The following BABAM2 variants were observed in gnomAD, a reference collection of about 807,000 sequenced individuals.
BABAM2 encodes the protein BRISC and BRCA1-A complex member 2.
In BABAM2, 31 loss-of-function variants were observed where a neutral mutation model predicts 54.7. That is an observed-to-expected ratio of 0.57 (90% CI 0.43 to 0.77). The LOEUF is 0.77. Ranked by LOEUF, BABAM2 falls within the 30% of genes least tolerant of loss-of-function variation. The pLI is 0.00. For synonymous variants in BABAM2, 167 were observed against 162.9 expected, an observed-to-expected ratio of 1.03 and a Z score of -0.19; for missense variants, 364 against 455.8, an observed-to-expected ratio of 0.80 and a Z score of 1.83.
chr2:28,093,252 GT>G (rs1472460426), intron 6 of BABAM2, among the ~76,000 whole-genome samples: 2 of 152,058 alleles, frequency 1.3e-5, no homozygotes, highest in African/African-American at 4.8e-5. Flanking sequence ...GTTTTAGGTT[GT>G]TTTGTTTTCT....
intron 3 of BABAM2, among the ~76,000 whole-genome samples, chr2:27,941,017 G>C (rs1668837285): frequency 6.6e-6 from 1 of 152,174 alleles, no homozygotes; most frequent in Admixed American, 6.5e-5. Context: ...AAGGCCACCA[G>C]AGAGGTTGTC....
At position 28,195,102 on chromosome 2, in the gene BABAM2, A is replaced by G. The variant is rs143359311; in HGVS notation, c.681-42100A>G. 5.4e-3 allele frequency among the ~76,000 whole-genome samples: 826 copies of G among 152,308 alleles called. 8 individuals are homozygous for G. The highest frequency in any genetic ancestry group is 0.019 in the African/African-American group (784 of 41,550). On this transcript the variant is annotated intron_variant, in intron 7 of 11. Coordinates refer to ENST00000379624, the MANE Select transcript of BABAM2 (RefSeq NM_199191.3). The stretch of plus-strand genomic sequence containing the variant: ...AGGAACCTCTCTGAGCTTAAATGCA[A>G]TGGGATTTTTTTTTCACAGTAAGAT...
chr2:28,066,290 TGTG>T (rs1233540124), intron 6 of BABAM2, among the ~76,000 whole-genome samples: 1 of 152,126 alleles, frequency 6.6e-6, no homozygotes, highest in Non-Finnish European at 1.5e-5. Flanking sequence ...ATATGATAAA[TGTG>T]GTCAGTGTTC....
intron 7 of BABAM2, among the ~76,000 whole-genome samples, chr2:28,167,953 CA>C (rs1274371899): frequency 2.0e-5 from 3 of 152,138 alleles, no homozygotes; most frequent in Non-Finnish European, 4.4e-5. Flanking sequence ...GATGAAGAAA[CA>C]GGCTTAGAGA....
chr2:27,934,684 G>A (rs1451656284), intron 3 of BABAM2, among the ~76,000 whole-genome samples: 1 of 152,216 alleles, frequency 6.6e-6, no homozygotes, highest in East Asian at 1.9e-4. Context: ...GAAATTAGAA[G>A]TGCTACTCTA....
At chr2:28,039,937 G>A (rs1676939647) in intron 5 of BABAM2, among the ~76,000 whole-genome samples, 1 of 144,336 alleles carries the variant, frequency 6.9e-6, no homozygotes, top group Admixed American at 7.1e-5. Context: ...CTATCCAAGA[G>A]AAGATTTTGA....
intron 11 of BABAM2, among the ~76,000 whole-genome samples, chr2:28,332,031 A>G (rs114309552): frequency 0.015 from 2,238 of 152,338 alleles, 61 homozygotes; most frequent in African/African-American, 0.051. Flanking sequence ...GGATGGAGCT[A>G]TAAGCCATTA....
chr2:28,143,526 A>G (rs1187372853), intron 7 of BABAM2, among the ~76,000 whole-genome samples: 6 of 152,218 alleles, frequency 3.9e-5, no homozygotes, highest in Admixed American at 3.3e-4. Context: ...ACAAGTAACT[A>G]TGGAAAGTGA....
intron 6 of BABAM2, among the ~76,000 whole-genome samples, chr2:28,076,178 G>A (rs1015208422): frequency 6.6e-6 from 1 of 152,064 alleles, no homozygotes; most frequent in Non-Finnish European, 1.5e-5. Flanking sequence ...GGGGGCTAAG[G>A]TGGGAGGATC....
rs774892908 is a variant in BABAM2, at chr2:28,025,438, T to C, written c.495+18T>C. On this transcript the variant is annotated intron_variant, in intron 5 of 11. Coordinates refer to ENST00000379624, the MANE Select transcript of BABAM2 (RefSeq NM_199191.3). ...ACAACTGGGTAAGGATTTTTGAGAA[T>C]GGAAAAAAAGATGACTTCATCCATA... The C allele has an allele frequency of 6.5e-7, 1 of 1,547,022 alleles. No homozygotes were observed. The highest frequency in any genetic ancestry group is 8.7e-7 in the Non-Finnish European group (1 of 1,153,100).
intron 6 of BABAM2, among the ~76,000 whole-genome samples, chr2:28,119,469 G>A (rs1020152682): frequency 1.4e-4 from 21 of 152,114 alleles, no homozygotes; most frequent in African/African-American, 5.1e-4. Flanking sequence ...TCAAAAGCTG[G>A]TGATTCTCAA....
chr2:27,943,982 A>C (rs1488623037), intron 3 of BABAM2, among the ~76,000 whole-genome samples: 1 of 152,170 alleles, frequency 6.6e-6, no homozygotes, highest in South Asian at 2.1e-4. Context: ...GTTAGAAGAA[A>C]TATATTAGGA....
chr2:28,065,442 T>C (rs1025380353), intron 6 of BABAM2, among the ~76,000 whole-genome samples: 1 of 152,154 alleles, frequency 6.6e-6, no homozygotes, highest in African/African-American at 2.4e-5. Flanking sequence ...CTCCTTGGGT[T>C]GTGGTTCTCC....
intron 9 of BABAM2, among the ~76,000 whole-genome samples, chr2:28,242,360 C>G (rs1343341782): frequency 1.3e-5 from 2 of 152,208 alleles, no homozygotes; most frequent in Non-Finnish European, 2.9e-5. Flanking sequence ...TGCCTTTGCC[C>G]TTTCCTTCTG....
intron 6 of BABAM2, among the ~76,000 whole-genome samples, chr2:28,089,788 G>GT (rs1310517981): frequency 2.6e-5 from 4 of 152,122 alleles, no homozygotes; most frequent in Non-Finnish European, 5.9e-5. Context: ...GTGCAGTAAA[G>GT]TTAAATATGC....
rs568929656 is a variant in BABAM2 at position 27,910,606 on chromosome 2, C to G, written c.128+15922C>G. Among the ~76,000 whole-genome samples, 25 of 152,226 alleles carry G rather than the reference C, an allele frequency of 1.6e-4. 1 individual carries two copies. The South Asian group carries it at 5.0e-3, about 30-fold the overall frequency. On this transcript the variant is annotated intron_variant, in intron 2 of 11. Coordinates refer to ENST00000379624, the MANE Select transcript of BABAM2 (RefSeq NM_199191.3). ...CCCTCTTCCCATGAAAGGATAACTG[C>G]TATCCTGACTTCTAACAAAATAGGT...
chr2:28,068,483 T>G (rs956569278), intron 6 of BABAM2, among the ~76,000 whole-genome samples: 1 of 152,204 alleles, frequency 6.6e-6, no homozygotes, highest in African/African-American at 2.4e-5. Flanking sequence ...TACCCCATAA[T>G]TAAAGATTCT....
At chr2:28,154,136 C>T (rs1672322433) in intron 7 of BABAM2, among the ~76,000 whole-genome samples, 1 of 152,210 alleles carries the variant, frequency 6.6e-6, no homozygotes, top group African/African-American at 2.4e-5. Flanking sequence ...GTACATTAGA[C>T]ATTAGCATAT....
chr2:28,128,375 A>G (rs1481643668), intron 6 of BABAM2, among the ~76,000 whole-genome samples: 1 of 152,260 alleles, frequency 6.6e-6, no homozygotes, highest in East Asian at 1.9e-4. Context: ...ATTAAAATCA[A>G]TGTGTGCCAC....
Sources: allele counts gnomAD v4.1 joint callset (sites outside exome capture counted in the v4.1 genomes callset), GRCh38; gene constraint gnomAD v4.1.1; transcripts MANE v1.5; gene names NCBI Gene and HGNC (gene_info 2026-07-23, HGNC 2026-07-21).